RNF111: variants seen among roughly 807,000 people sequenced by gnomAD.
RNF111 encodes the protein E3 ubiquitin-protein ligase Arkadia.
In RNF111, 17 loss-of-function variants were observed where a neutral mutation model predicts 95.1. The observed-to-expected ratio is 0.18, with a 90% CI of 0.12 to 0.27. The LOEUF (loss-of-function observed/expected upper bound fraction) is 0.27. Among genes scored for constraint, RNF111 ranks in the 10% least tolerant of loss-of-function variants. RNF111 has a pLI of 1.00. For missense variants in RNF111, 1,189 were observed against 1,210.4 expected (o/e 0.98, Z 0.26); for synonymous variants, 440 against 414.8 (o/e 1.06, Z -0.74).
At chr15:59,029,837 AT>A (rs1327694267) in intron 1 of RNF111, among the ~76,000 whole-genome samples, 2 of 151,872 alleles carry the variant, frequency 1.3e-5, no homozygotes, top group East Asian at 4.1e-4. Flanking sequence ...TTTAGTGTTC[AT>A]TCATCTATAA....
At chr15:59,071,866 A>G (rs946227697) in intron 6 of RNF111, among the ~76,000 whole-genome samples, 6 of 152,180 alleles carry the variant, frequency 3.9e-5, no homozygotes, top group Admixed American at 1.3e-4. Context: ...CAATAAATAC[A>G]ATAAAGTGAA....
intron 2 of RNF111, among the ~76,000 whole-genome samples, chr15:59,047,819 C>T (rs1304981237): frequency 2.6e-5 from 4 of 152,180 alleles, no homozygotes; most frequent in Non-Finnish European, 5.9e-5. Flanking sequence ...GAGCAATCTG[C>T]CTGCCTCGGT....
At position 59,097,064 on chromosome 15, in the gene RNF111, G is replaced by A. The variant is rs1253358921; in HGVS notation, c.*2164G>A. ...AGTATTTGTGACATAAACCTGAATTGTTAATATAGGAGCTTATTAAGCTAC... is the reference window on the plus strand; with the variant it reads ...AGTATTTGTGACATAAACCTGAATTATTAATATAGGAGCTTATTAAGCTAC... On this transcript the variant is annotated 3_prime_UTR_variant, in exon 14 of 14. Transcript: ENST00000348370. 1 of 152,168 alleles carries A rather than the reference G, an allele frequency of 6.6e-6. No individual in the cohort carries two copies. Among genetic ancestry groups the A allele is most frequent in the African/African-American group, 2.4e-5 (1 of 41,426 alleles). 9.4% of individuals were successfully genotyped at this position (152,168 alleles called of 1,614,324 possible). A position where few individuals can be genotyped will look rare whatever the true frequency, so the allele number is the denominator to read the frequency against.
chr15:58,989,790 A>G (rs1401035151), intron 1 of RNF111, among the ~76,000 whole-genome samples: 2 of 152,190 alleles, frequency 1.3e-5, no homozygotes, highest in Non-Finnish European at 2.9e-5. Flanking sequence ...CATTTAGCAG[A>G]TACTCCTAGT....
intron 4 of RNF111, among the ~76,000 whole-genome samples, chr15:59,057,197 T>G (rs532639198): frequency 2.9e-4 from 44 of 152,324 alleles, no homozygotes; most frequent in African/African-American, 1.1e-3. Flanking sequence ...CTAAACATCA[T>G]GCTGTTCACA....
intron 1 of RNF111, among the ~76,000 whole-genome samples, chr15:58,989,431 G>C (rs1357619673): frequency 6.6e-6 from 1 of 152,132 alleles, no homozygotes; most frequent in Non-Finnish European, 1.5e-5. Context: ...AGTATTCTAA[G>C]AATTGGTGAG....
intron 1 of RNF111, among the ~76,000 whole-genome samples, chr15:59,029,720 T>TA: frequency 6.6e-6 from 1 of 152,344 alleles, no homozygotes; most frequent in South Asian, 2.1e-4. Context: ...TGTCAGAAGT[T>TA]ACAATAGTGG....
At chr15:59,054,790 G>T (rs2042137978) in intron 3 of RNF111, among the ~76,000 whole-genome samples, 1 of 152,060 alleles carries the variant, frequency 6.6e-6, no homozygotes, top group South Asian at 2.1e-4. Context: ...CACCCCCAAT[G>T]ACCTTTTATA....
At position 59,052,408 on chromosome 15, in the gene RNF111, T is replaced by G. The variant is rs1272875139; in HGVS notation, c.984T>G (p.Ile328Met). ...NVTSTDSEVE[I>M]VTVGESYRSR... ...CCTCAACTGACAGTGAAGTGGAGAT[T>G]GTAACAGTTGGAGAAAGCTATCGGT... Residue 328 changes from isoleucine (I) to methionine (M), a missense_variant, in exon 3 of 14, where the codon ATT becomes ATG. Ile to Met is a conservative substitution (Grantham distance 10). This residue lies in a region of RNF111 where 1,024 missense variants were observed against 925.9 expected (regional missense o/e 1.11). Transcript: ENST00000348370. 4 of 1,588,774 alleles carry G rather than the reference T, an allele frequency of 2.5e-6. No individual in the cohort carries two copies. The highest frequency in any genetic ancestry group is 3.4e-6 in the Non-Finnish European group (4 of 1,170,528).
chr15:59,066,803 C>A lies in RNF111; in HGVS notation c.1406C>A (p.Thr469Asn), dbSNP rs1379807182. Residue 469 changes from threonine to asparagine, a missense_variant, in exon 6 of 14, where the codon ACT becomes AAT. This residue lies in a region of RNF111 where 1,024 missense variants were observed against 925.9 expected (regional missense o/e 1.11). Coordinates refer to ENST00000348370, the MANE Select transcript of RNF111 (RefSeq NM_017610.8). The part of the protein sequence containing the change: ...RRTTSSAVTE[T>N]GPPAMPRLPS... ...ACTACATCTAGTGCTGTAACGGAAA[C>A]TGGCCCTCCTGCAATGCCAAGGTTA... The A allele has an allele frequency of 6.2e-7, 1 of 1,613,914 alleles. No homozygotes were observed. Among genetic ancestry groups the A allele is most frequent in the Non-Finnish European group, 8.5e-7 (1 of 1,179,970 alleles).
At position 59,095,695 on chromosome 15, in the gene RNF111, T is replaced by G; in HGVS notation, c.*795T>G. 1 of 249,662 alleles carries G rather than the reference T, an allele frequency of 4.0e-6. No homozygotes were observed. The highest frequency in any genetic ancestry group is 7.6e-5 in the East Asian group (1 of 13,174). The allele number at this position is 249,662 out of a possible 1,614,324, so 15.5% of individuals were successfully genotyped here. Reference sequence around the variant, plus strand: ...AAACAGCTCTGATGAACACTAAATATTAATTTCAATTAGCTAGATTGTACA... The same window carrying G: ...AAACAGCTCTGATGAACACTAAATAGTAATTTCAATTAGCTAGATTGTACA... On this transcript the variant is annotated 3_prime_UTR_variant, in exon 14 of 14. Coordinates refer to ENST00000348370, the MANE Select transcript of RNF111 (RefSeq NM_017610.8).
chr15:59,035,010 G>C (rs1470213051), intron 2 of RNF111, among the ~76,000 whole-genome samples: 1 of 152,126 alleles, frequency 6.6e-6, no homozygotes, highest in African/African-American at 2.4e-5. Flanking sequence ...CCACATGGCT[G>C]GGGAGGCCTC....
intron 13 of RNF111, among the ~76,000 whole-genome samples, chr15:59,094,284 C>T (rs2079135454): frequency 6.6e-6 from 1 of 151,926 alleles, no homozygotes; most frequent in Admixed American, 6.6e-5. Flanking sequence ...TAACATTGCA[C>T]AATAAGACAT....
At chr15:59,062,942 C>G (rs1224324056) in intron 5 of RNF111, among the ~76,000 whole-genome samples, 1 of 152,156 alleles carries the variant, frequency 6.6e-6, no homozygotes, top group Non-Finnish European at 1.5e-5. Flanking sequence ...CCAGTAACAT[C>G]ACCTCCCTTC....
In RNF111 at chr15:59,031,206, A is replaced by T; in HGVS notation, c.384A>T (p.Glu128Asp). The T allele has an allele frequency of 6.2e-7, 1 of 1,614,228 alleles. No homozygotes were observed. The highest frequency in any genetic ancestry group is 8.5e-7 in the Non-Finnish European group (1 of 1,180,016). ...LRQHLGTPSD[E>D]DNDSSFSDCL... ...AACACCTAGGGACACCAAGTGATGA[A>T]GATAATGATTCCTCTTTTAGTGATT... The change falls in exon 2 of 14, where the codon GAA becomes GAT. Residue 128 changes from glutamate (E) to aspartate (D), a missense_variant. Physicochemically the swap from Glu to Asp is conservative, Grantham distance 45. Coordinates refer to ENST00000348370, the MANE Select transcript of RNF111 (RefSeq NM_017610.8).
chr15:59,047,788 C>T (rs2141921597), intron 2 of RNF111, among the ~76,000 whole-genome samples: 1 of 152,222 alleles, frequency 6.6e-6, no homozygotes, highest in Admixed American at 6.5e-5. Flanking sequence ...GTTGCCCAGG[C>T]TGGATTGAAC....
At chr15:58,994,626 C>T (rs1469563242) in intron 1 of RNF111, among the ~76,000 whole-genome samples, 3 of 151,154 alleles carry the variant, frequency 2.0e-5, no homozygotes, top group African/African-American at 2.4e-5. Flanking sequence ...TATAGGTGCC[C>T]GCCACCACGT....
intron 10 of RNF111, among the ~76,000 whole-genome samples, chr15:59,087,492 T>A (rs2078931664): frequency 6.6e-6 from 1 of 152,160 alleles, no homozygotes; most frequent in African/African-American, 2.4e-5. Flanking sequence ...GCCTTACTGC[T>A]AAAATAAACA....
At chr15:59,092,388 C>A in intron 12 of RNF111, 149 bp from the exon 13 acceptor site, 1 of 625,792 alleles carries the variant, frequency 1.6e-6, no homozygotes. Flanking sequence ...TTAATTCATC[C>A]ATTTATTTAT....
Sources: allele counts gnomAD v4.1 joint callset (sites outside exome capture counted in the v4.1 genomes callset), GRCh38; gene constraint gnomAD v4.1.1; regional missense constraint gnomAD v4.1.1; transcripts MANE v1.5; gene names NCBI Gene and HGNC (gene_info 2026-07-23, HGNC 2026-07-21).